The following CSE1L variants were observed in gnomAD, a reference collection of about 807,000 sequenced individuals.
The protein encoded by CSE1L is chromosome segregation 1 like, also known as exportin-2.
Under a neutral mutation model 120.4 loss-of-function variants are expected in CSE1L, and 24 were observed. The observed-to-expected ratio is 0.20, with a 90% CI of 0.14 to 0.28. The LOEUF is 0.28. Ranked by LOEUF, CSE1L falls within the 10% of genes least tolerant of loss-of-function variation. The pLI is 1.00. For synonymous variants in CSE1L, 402 were observed against 398.3 expected, an observed-to-expected ratio of 1.01 and a Z score of -0.11; for missense variants, 830 against 1,145.2, an observed-to-expected ratio of 0.72 and a Z score of 3.97.
intron 21 of CSE1L, among the ~76,000 whole-genome samples, 177 bp downstream of exon 21, chr20:49,091,199 G>A (rs969283059): frequency 1.3e-5 from 2 of 152,106 alleles, no homozygotes; most frequent in African/African-American, 4.8e-5. Context: ...AAGGGAGGCC[G>A]ATCGCTTGAG....
intron 2 of CSE1L, among the ~76,000 whole-genome samples, chr20:49,060,437 A>C (rs2091843076): frequency 6.6e-6 from 1 of 150,936 alleles, no homozygotes; most frequent in Admixed American, 6.6e-5. Flanking sequence ...AACCGAGGCC[A>C]CTGCACTCCA....
intron 1 of CSE1L, among the ~76,000 whole-genome samples, chr20:49,054,720 T>C (rs1568761737): frequency 2.6e-5 from 4 of 152,190 alleles, no homozygotes; most frequent in Admixed American, 2.0e-4. Flanking sequence ...CCACTTTCAT[T>C]ACATTTTTAC....
At chr20:49,096,079 C>T (rs1600556344) in intron 24 of CSE1L, 1 of 604,094 alleles carries the variant, frequency 1.7e-6, no homozygotes, top group Non-Finnish European at 3.0e-6. Context: ...CGCGTAAGTA[C>T]CTTATTCTAC....
At chr20:49,092,313 A>G (rs548726620) in intron 22 of CSE1L, among the ~76,000 whole-genome samples, 186 bp downstream of exon 22, 1 of 151,992 alleles carries the variant, frequency 6.6e-6, no homozygotes, top group Non-Finnish European at 1.5e-5. Flanking sequence ...ATGGTGGCTC[A>G]CGCCCGTAAT....
rs747467423 is a variant in CSE1L, at chr20:49,094,870, A to G, written c.2733A>G (p.Lys911=). Residue 911 remains lysine (K), a synonymous_variant, in exon 24 of 25, where the codon AAA becomes AAG. Transcript: ENST00000262982. ...TAFSQLAFAG[K]KEHDPVGQMV... ...TCTCACAGTTGGCATTTGCTGGGAA[A>G]AAAGAGCATGATCCTGTAGGTCAAA... is the stretch of plus-strand genomic sequence containing the variant. 6.2e-7 allele frequency: 1 copy of G among 1,614,052 alleles called. No homozygotes were observed. The highest frequency in any genetic ancestry group is 2.2e-5 in the East Asian group (1 of 44,898).
chr20:49,087,167 AGCAATATTTTT>A, intron 16 of CSE1L, among the ~76,000 whole-genome samples: 1 of 151,966 alleles, frequency 6.6e-6, no homozygotes, highest in East Asian at 1.9e-4. Context: ...TGGTCTTTTG[AGCAATATTTTT>A]GCAATTTGGA....
intron 5 of CSE1L, among the ~76,000 whole-genome samples, chr20:49,066,845 A>G (rs750331811): frequency 2.0e-5 from 3 of 152,140 alleles, no homozygotes; most frequent in Admixed American, 1.3e-4. Context: ...CCTGGCCAAC[A>G]TGGTAAAACC....
At chr20:49,095,273 G>A in intron 24 of CSE1L, 1 of 316,442 alleles carries the variant, frequency 3.2e-6, no homozygotes, top group South Asian at 4.1e-5. Flanking sequence ...TTATTTCCCA[G>A]ATCGAAGTAA....
At chr20:49,078,320 T>C (rs1490685097) in intron 13 of CSE1L, among the ~76,000 whole-genome samples, 1 of 152,222 alleles carries the variant, frequency 6.6e-6, no homozygotes, top group African/African-American at 2.4e-5. Flanking sequence ...CGATGCATGG[T>C]CCAGCTCATT....
At chr20:49,085,205 C>A (rs1600542968) in intron 15 of CSE1L, 78 bp from the exon 16 acceptor site, 1 of 994,106 alleles carries the variant, frequency 1.0e-6, no homozygotes, top group Non-Finnish European at 1.6e-6. Context: ...AGAAGGGTGA[C>A]ATAGTGGTTG....
Position 49,089,539 on chromosome 20 carries a change from A to G in CSE1L, c.1974A>G (p.Glu658=), listed in dbSNP as rs557748176. 1.5e-5 allele frequency: 25 copies of G among 1,614,146 alleles called. No homozygotes were observed. In the South Asian group the frequency reaches 2.3e-4, roughly 15 times the overall value. The change falls in exon 19 of 25, where the codon GAA becomes GAG. Residue 658 remains glutamate, a splice_region_variant and synonymous_variant. Coordinates refer to ENST00000262982, the MANE Select transcript of CSE1L (RefSeq NM_001316.4). ...CTCTGTTTTTACTTTTATCAACAGA[A>G]TTTATTCCATACGTCTTTCAAGTGA... is the stretch of plus-strand genomic sequence containing the variant. ...FTEILQNDVQ[E]FIPYVFQVMS...
chr20:49,090,031 G>A (rs1025186633), intron 19 of CSE1L, among the ~76,000 whole-genome samples: 3 of 152,048 alleles, frequency 2.0e-5, no homozygotes, highest in Non-Finnish European at 4.4e-5. Flanking sequence ...AGGCTAAGGT[G>A]AGAGGGTCGC....
At chr20:49,066,334 C>T in intron 4 of CSE1L, 31 bp from the exon 5 acceptor site, 1 of 1,614,060 alleles carries the variant, frequency 6.2e-7, no homozygotes, top group African/African-American at 1.3e-5. Flanking sequence ...CTCTGTAAAG[C>T]TCTGATCTAA....
chr20:49,085,353 C>G lies in CSE1L; in HGVS notation c.1690C>G (p.Pro564Ala), dbSNP rs772411024. 1.2e-6 allele frequency: 2 copies of G among 1,613,862 alleles called. No individual in the cohort carries two copies. Among genetic ancestry groups the G allele is most frequent in the East Asian group, 4.5e-5 (2 of 44,878 alleles). ...AAACCTTTTCAAAGCTCTCACACTT[C>G]CTGGCTCTTCAGAAAATGAATATAT... The part of the protein sequence containing the change: ...LTNLFKALTL[P>A]GSSENEYIMK... Residue 564 changes from proline (P) to alanine (A), a missense_variant, in exon 16 of 25, where the codon CCT becomes GCT. Pro to Ala is a conservative substitution (Grantham distance 27). Transcript: ENST00000262982.
At chr20:49,071,284 A>G (rs1161104828) in intron 8 of CSE1L, among the ~76,000 whole-genome samples, 1 of 152,202 alleles carries the variant, frequency 6.6e-6, no homozygotes, top group African/African-American at 2.4e-5. Context: ...TAGCTCTCAT[A>G]AAATAATTAT....
intron 1 of CSE1L, among the ~76,000 whole-genome samples, chr20:49,048,019 C>G (rs367576249): frequency 6.6e-6 from 1 of 152,252 alleles, no homozygotes; most frequent in South Asian, 2.1e-4. Context: ...ATGGTAGATG[C>G]ACAAGTATTA....
Position 49,067,075 on chromosome 20 carries a change from G to A in CSE1L, c.477-115G>A, listed in dbSNP as rs529679432. 6.2e-5 allele frequency: 25 copies of A among 401,330 alleles called. 1 individual carries two copies. The highest frequency in any genetic ancestry group is 2.5e-4 in the Admixed American group (6 of 24,034). 24.9% of individuals were successfully genotyped at this position (401,330 alleles called of 1,614,324 possible). A position where few individuals can be genotyped will look rare whatever the true frequency, so the allele number is the denominator to read the frequency against. ...AAAAAAAGAATTCCCTTTGAATTTC[G>A]GAATTTCGGAAACCCATCTATTCAT... On this transcript the variant is annotated intron_variant, in intron 5 of 24. Coordinates refer to ENST00000262982, the MANE Select transcript of CSE1L (RefSeq NM_001316.4).
At chr20:49,077,145 C>CTTTT in intron 13 of CSE1L, 81 bp downstream of exon 13, 1 of 636,746 alleles carries the variant, frequency 1.6e-6, no homozygotes, top group Non-Finnish European at 2.4e-6. Flanking sequence ...TCCTTGTTCC[C>CTTTT]TTTTGTTCTT....
intron 16 of CSE1L, among the ~76,000 whole-genome samples, 175 bp downstream of exon 16, chr20:49,085,561 A>T (rs1258482094): frequency 6.3e-5 from 4 of 63,408 alleles, no homozygotes; most frequent in African/African-American, 1.3e-4. Flanking sequence ...TACTAACAAT[A>T]ATTTTTTTTT....
Sources: gnomAD v4.1 joint callset for allele counts (sites outside exome capture counted in the v4.1 genomes callset) on GRCh38, gnomAD v4.1.1 for gene constraint, MANE v1.5 for transcripts, NCBI Gene and HGNC (gene_info 2026-07-23, HGNC 2026-07-21) for gene names.